The following DIAPH1 variants were observed in gnomAD, a reference collection of about 807,000 sequenced individuals.
DIAPH1 encodes the protein protein diaphanous homolog 1.
In DIAPH1, 46 loss-of-function variants were observed where a neutral mutation model predicts 140.7. The ratio of observed to expected loss-of-function variants is 0.33; its 90% CI spans 0.26 to 0.42. DIAPH1 has a LOEUF of 0.42. Ranked by LOEUF, DIAPH1 falls within the 10% of genes least tolerant of loss-of-function variation. The probability of loss-of-function intolerance (pLI) is 1.00; values close to 1 mark genes in which losing one functional copy is unlikely to be tolerated. For missense variants in DIAPH1, 1,310 were observed against 1,558.7 expected (o/e 0.84, Z 2.69); for synonymous variants, 565 against 551.6 (o/e 1.02, Z -0.34).
intron 1 of DIAPH1, among the ~76,000 whole-genome samples, chr5:141,599,448 A>G (rs994898323): frequency 6.6e-6 from 1 of 152,186 alleles, no homozygotes. Flanking sequence ...GCTGAATGCC[A>G]CTTGGTCCTT....
chr5:141,534,215 G>A (rs2099888691), intron 19 of DIAPH1, 120 bp downstream of exon 19: 2 of 781,286 alleles, frequency 2.6e-6, no homozygotes, highest in Non-Finnish European at 4.5e-6. Context: ...GCAATGGTTG[G>A]TATATAGCAG....
Position 141,574,221 on chromosome 5 carries a change from C to G in DIAPH1, c.1642-13G>C. 2 of 1,613,964 alleles carry G rather than the reference C, an allele frequency of 1.2e-6. No homozygotes were observed. The highest frequency in any genetic ancestry group is 1.7e-6 in the Non-Finnish European group (2 of 1,179,984). ...TCAGCTTGGCAACCTACAGAAATAA[C>G]ATCAATGTGAGTACTTCTCACCCCA... On this transcript the variant is annotated splice_polypyrimidine_tract_variant and intron_variant, in intron 15 of 27. Coordinates refer to ENST00000389054, the MANE Select transcript of DIAPH1 (RefSeq NM_005219.5).
chr5:141,570,495 C>G (rs1006147099), intron 18 of DIAPH1, among the ~76,000 whole-genome samples: 1 of 152,020 alleles, frequency 6.6e-6, no homozygotes, highest in East Asian at 1.9e-4. Flanking sequence ...TCTTATACTC[C>G]TAGATACACA....
Position 141,582,373 on chromosome 5 carries a change from C to T in DIAPH1, c.623G>A (p.Ser208Asn), listed in dbSNP as rs774563903. 6.2e-7 allele frequency: 1 copy of T among 1,611,356 alleles called. No homozygotes were observed. Among genetic ancestry groups the T allele is most frequent in the Non-Finnish European group, 8.5e-7 (1 of 1,177,504 alleles). The change falls in exon 7 of 28, where the codon AGT (serine) becomes AAT (asparagine). Residue 208 changes from serine to asparagine, a missense_variant and splice_region_variant. By Grantham distance (46) the Ser-to-Asn change is conservative (BLOSUM62 1). This residue lies in a region of DIAPH1 where 377 missense variants were observed against 497.1 expected (regional missense o/e 0.76). Coordinates refer to ENST00000389054, the MANE Select transcript of DIAPH1 (RefSeq NM_005219.5). ...LHDEKEETAG[S>N]YDSRNKHEII... Reference sequence around the variant, plus strand: ...CTCATGCTTGTTCCGGCTATCGTAACTCCTGTATATAGAAGACATAATCAG... The same window carrying T: ...CTCATGCTTGTTCCGGCTATCGTAATTCCTGTATATAGAAGACATAATCAG...
At position 141,606,760 on chromosome 5, in the gene DIAPH1, C is replaced by G. The variant is rs146077532; in HGVS notation, c.117+12038G>C. Among the ~76,000 whole-genome samples the G allele has an allele frequency of 3.3e-3, 500 of 151,984 alleles. 2 individuals carry two copies. Among genetic ancestry groups the G allele is most frequent in the African/African-American group, 0.011 (476 of 41,446 alleles). ...TACAGACATGTTCTTTCATTAAACACAAGTCAAAACTATCTCTCCAGAGAT... is the reference window on the plus strand; with the variant it reads ...TACAGACATGTTCTTTCATTAAACAGAAGTCAAAACTATCTCTCCAGAGAT... On this transcript the variant is annotated intron_variant, in intron 1 of 27. Coordinates refer to ENST00000389054, the MANE Select transcript of DIAPH1 (RefSeq NM_005219.5).
rs374601448 is a variant in DIAPH1, at chr5:141,529,162, C to T, written c.2778+10G>A. ...GTGGAAAACCGCTTACTGCCACAGG[C>T]CTCACTCACCACCACGCCAAACTGC... On this transcript the variant is annotated intron_variant, in intron 21 of 27. Coordinates refer to ENST00000389054, the MANE Select transcript of DIAPH1 (RefSeq NM_005219.5). 45 of 1,612,246 alleles carry T rather than the reference C, an allele frequency of 2.8e-5. No individual in the cohort carries two copies. The African/African-American group carries it at 5.3e-4, about 19-fold the overall frequency.
intron 18 of DIAPH1, among the ~76,000 whole-genome samples, chr5:141,567,175 A>G (rs751391123): frequency 1.4e-4 from 22 of 152,290 alleles, no homozygotes; most frequent in Non-Finnish European, 3.1e-4. Flanking sequence ...GACATAAACC[A>G]AGATAAATGG....
chr5:141,534,144 G>A (rs1030560537), intron 19 of DIAPH1, among the ~76,000 whole-genome samples, 191 bp downstream of exon 19: 30 of 151,776 alleles, frequency 2.0e-4, no homozygotes, highest in African/African-American at 7.3e-4. Context: ...CATAAAACTG[G>A]ATACTTAAAA....
At chr5:141,590,557 T>C (rs2099898241) in intron 1 of DIAPH1, among the ~76,000 whole-genome samples, 1 of 152,180 alleles carries the variant, frequency 6.6e-6, no homozygotes, top group Non-Finnish European at 1.5e-5. Flanking sequence ...TGGGTTACCG[T>C]AGCCAAGGTT....
chr5:141,573,609 C>A lies in DIAPH1; in HGVS notation c.2241G>T (p.Met747Ile). ...GIPPPPPGMG[M>I]PPPPPFGFGV... ...CAAATCCAAATGGGGGAGGTGGAGG[C>A]ATACCCATTCCGGGTGGAGGTGGAG... Residue 747 changes from methionine (M) to isoleucine (I), a missense_variant, in exon 16 of 28, where the codon ATG (methionine) becomes ATT (isoleucine). Around this residue, in one of 3 missense-constraint regions of DIAPH1, gnomAD observed 589 missense variants for 549.3 expected, o/e 1.07. Coordinates refer to ENST00000389054, the MANE Select transcript of DIAPH1 (RefSeq NM_005219.5). The A allele has an allele frequency of 6.2e-7, 1 of 1,613,556 alleles. No homozygotes were observed. The highest frequency in any genetic ancestry group is 8.5e-7 in the Non-Finnish European group (1 of 1,179,864).
At position 141,578,472 on chromosome 5, in the gene DIAPH1, G is replaced by A. The variant is rs774833127; in HGVS notation, c.1044+43C>T. Reference sequence around the variant, plus strand: ...CGGGATTATTGGGGCTGTAGAGCAAGAAGGAACCAGTCTAGCCTTTCTAAT... The same window carrying A: ...CGGGATTATTGGGGCTGTAGAGCAAAAAGGAACCAGTCTAGCCTTTCTAAT... On this transcript the variant is annotated intron_variant, in intron 10 of 27. Coordinates refer to ENST00000389054, the MANE Select transcript of DIAPH1 (RefSeq NM_005219.5). 5.8e-6 allele frequency: 9 copies of A among 1,564,678 alleles called. No homozygotes were observed. The South Asian group carries it at 8.9e-5, about 15-fold the overall frequency.
At chr5:141,530,411 T>C (rs2099888033) in intron 19 of DIAPH1, among the ~76,000 whole-genome samples, 1 of 152,186 alleles carries the variant, frequency 6.6e-6, no homozygotes, top group Non-Finnish European at 1.5e-5. Context: ...CTATTACCTT[T>C]CTTTTGCTTC....
chr5:141,519,065 T>A, intron 27 of DIAPH1: 1 of 1,391,544 alleles, frequency 7.2e-7, no homozygotes, highest in Non-Finnish European at 1.0e-6. Context: ...TTACAGATCA[T>A]AGGTATGTGC....
At chr5:141,581,276 T>C (rs936449048) in intron 7 of DIAPH1, among the ~76,000 whole-genome samples, 5 of 152,302 alleles carry the variant, frequency 3.3e-5, no homozygotes, top group African/African-American at 1.2e-4. Context: ...TGGAACATAT[T>C]ACCATATACA....
intron 18 of DIAPH1, 173 bp from the exon 19 acceptor site, chr5:141,534,606 C>T (rs1483045618): frequency 1.6e-6 from 1 of 623,596 alleles, no homozygotes; most frequent in East Asian, 2.7e-5. Context: ...ATTACTGAAC[C>T]TCCCCCAACT....
chr5:141,571,826 T>C (rs760651506), intron 17 of DIAPH1, 100 bp downstream of exon 17: 4 of 884,308 alleles, frequency 4.5e-6, no homozygotes, highest in Admixed American at 1.7e-5. Flanking sequence ...CAACATACCC[T>C]TTCTATCTTC....
At chr5:141,602,853 G>C (rs1013434977) in intron 1 of DIAPH1, among the ~76,000 whole-genome samples, 2 of 152,084 alleles carry the variant, frequency 1.3e-5, no homozygotes, top group African/African-American at 4.8e-5. Context: ...ATGGCCCAAA[G>C]ACAACAGCAA....
At chr5:141,526,264 A>C (rs761026699) in intron 25 of DIAPH1, 33 bp downstream of exon 25, 4 of 1,614,070 alleles carry the variant, frequency 2.5e-6, no homozygotes, top group Non-Finnish European at 2.5e-6. Context: ...AAATGCCCAC[A>C]AAAGATTCAG....
chr5:141,540,471 G>A (rs548700478), intron 18 of DIAPH1, among the ~76,000 whole-genome samples: 5 of 151,974 alleles, frequency 3.3e-5, no homozygotes, highest in East Asian at 2.0e-4. Context: ...TAGTAGAGAC[G>A]GGGTTCCATC....
Sources: allele counts gnomAD v4.1 joint callset (sites outside exome capture counted in the v4.1 genomes callset), GRCh38; gene constraint gnomAD v4.1.1; regional missense constraint gnomAD v4.1.1; transcripts MANE v1.5; gene names NCBI Gene and HGNC (gene_info 2026-07-23, HGNC 2026-07-21).